The following C3orf70 variants were observed in gnomAD, a reference collection of about 807,000 sequenced individuals.
C3orf70 encodes chromosome 3 open reading frame 70, also known as UPF0524 protein C3orf70.
In C3orf70, 15 loss-of-function variants were observed where a neutral mutation model predicts 20.7. That is an observed-to-expected ratio of 0.72 (90% CI 0.48 to 1.11). The LOEUF (loss-of-function observed/expected upper bound fraction) is 1.11. Ranked by LOEUF, C3orf70 falls within the 50% of genes most tolerant of loss-of-function variation. The pLI is 0.00. For missense variants in C3orf70, 332 were observed against 317.6 expected, an observed-to-expected ratio of 1.05 and a Z score of -0.34; for synonymous variants, 161 against 125.7, an observed-to-expected ratio of 1.28 and a Z score of -1.88.
intron 1 of C3orf70, among the ~76,000 whole-genome samples, chr3:185,145,916 A>C (rs1359483541): frequency 6.6e-6 from 1 of 152,232 alleles, no homozygotes; most frequent in Non-Finnish European, 1.5e-5. Flanking sequence ...GCTACACAGA[A>C]AGACACCTAT....
intron 1 of C3orf70, among the ~76,000 whole-genome samples, chr3:185,104,861 T>G (rs1036187910): frequency 6.6e-6 from 1 of 152,118 alleles, no homozygotes; most frequent in Non-Finnish European, 1.5e-5. Flanking sequence ...AAATAACTAA[T>G]AGGTACTAGG....
chr3:185,118,977 G>C lies in C3orf70; in HGVS notation c.196+33651C>G, dbSNP rs954602447. On this transcript the variant is annotated intron_variant, in intron 1 of 1. Transcript: ENST00000335012. ...TAATGATGTCTGTAAATTTCTCCTG[G>C]ATTCCCATATTGAAAGAGAGGAGTT... Among the ~76,000 whole-genome samples the C allele has an allele frequency of 3.0e-4, 46 of 152,114 alleles. 2 individuals are homozygous for C.
rs1036330651 is a variant in C3orf70 at position 185,081,488 on chromosome 3, A to G, written c.*1519T>C. The G allele has an allele frequency of 6.6e-6, 1 of 152,274 alleles. No individual in the cohort carries two copies. Among genetic ancestry groups the G allele is most frequent in the African/African-American group, 2.4e-5 (1 of 41,554 alleles). 9.4% of individuals were successfully genotyped at this position (152,274 alleles called of 1,614,324 possible). Reference sequence around the variant, plus strand: ...GAGCACAAGGGAATCTCAGAGCACAATGGCCTGAGAGTGCGCTTCTGGATA... The same window carrying G: ...GAGCACAAGGGAATCTCAGAGCACAGTGGCCTGAGAGTGCGCTTCTGGATA... On this transcript the variant is annotated 3_prime_UTR_variant, in exon 2 of 2. Coordinates refer to ENST00000335012, the MANE Select transcript of C3orf70 (RefSeq NM_001025266.3).
intron 1 of C3orf70, among the ~76,000 whole-genome samples, chr3:185,139,188 G>A (rs539471331): frequency 1.3e-5 from 2 of 151,426 alleles, no homozygotes; most frequent in East Asian, 3.9e-4. Context: ...GAAGGGGAGA[G>A]GGGGGAGGAG....
intron 1 of C3orf70, among the ~76,000 whole-genome samples, chr3:185,112,413 T>C (rs1472136119): frequency 6.6e-6 from 1 of 152,234 alleles, no homozygotes; most frequent in Non-Finnish European, 1.5e-5. Flanking sequence ...CCAGCAAGCA[T>C]AATTTCACTA....
chr3:185,115,704 T>C (rs1288771711), intron 1 of C3orf70, among the ~76,000 whole-genome samples: 1 of 152,216 alleles, frequency 6.6e-6, no homozygotes, highest in Non-Finnish European at 1.5e-5. Flanking sequence ...CAAAGCCCCA[T>C]AGCCTGTATG....
chr3:185,095,012 T>C (rs896419839), intron 1 of C3orf70, among the ~76,000 whole-genome samples: 2 of 152,024 alleles, frequency 1.3e-5, no homozygotes, highest in Non-Finnish European at 2.9e-5. Flanking sequence ...GAGGCATAAA[T>C]AGGGGAGTGG....
At chr3:185,117,057 A>G (rs9848395) in intron 1 of C3orf70, among the ~76,000 whole-genome samples, 7,903 of 152,270 alleles carry the variant, frequency 0.052, 667 homozygotes, top group African/African-American at 0.18. Context: ...CTGGGATTAC[A>G]GGCGTGAGCC....
At chr3:185,134,125 A>ATATATATATATAGATATATATATATATT (rs71298570) in intron 1 of C3orf70, among the ~76,000 whole-genome samples, 1 of 145,826 alleles carries the variant, frequency 6.9e-6, no homozygotes, top group South Asian at 2.2e-4. Context: ...TCATATATAT[A>ATATATATATATAGATATATATATATATT]TAGAGGAGAT....
At chr3:185,137,660 G>C (rs774107962) in intron 1 of C3orf70, among the ~76,000 whole-genome samples, 1 of 152,086 alleles carries the variant, frequency 6.6e-6, no homozygotes, top group Admixed American at 6.5e-5. Flanking sequence ...TGGTCAGAAA[G>C]GAAGTTTCGA....
At chr3:185,098,845 C>T (rs1183502510) in intron 1 of C3orf70, among the ~76,000 whole-genome samples, 1 of 152,124 alleles carries the variant, frequency 6.6e-6, no homozygotes, top group African/African-American at 2.4e-5. Flanking sequence ...ACAGAAATAC[C>T]AGCTTCCCAA....
chr3:185,084,450 G>A (rs1715419664), intron 1 of C3orf70, among the ~76,000 whole-genome samples: 2 of 151,904 alleles, frequency 1.3e-5, no homozygotes, highest in Non-Finnish European at 2.9e-5. Context: ...GTTTAGGGTG[G>A]GAAATGGTTT....
intron 1 of C3orf70, among the ~76,000 whole-genome samples, chr3:185,140,786 TAAAA>T (rs34759953): frequency 1.1e-5 from 1 of 94,232 alleles, no homozygotes; most frequent in Non-Finnish European, 2.2e-5. Context: ...CCGTCTCTAC[TAAAA>T]AAAAAAAAAA....
chr3:185,141,091 C>T (rs115962856), intron 1 of C3orf70, among the ~76,000 whole-genome samples: 4 of 152,184 alleles, frequency 2.6e-5, no homozygotes, highest in Middle Eastern at 3.4e-3. Context: ...TTCCCAGAAC[C>T]CAAAGATGCT....
Position 185,079,948 on chromosome 3 carries a change from T to C in C3orf70, c.*3059A>G, listed in dbSNP as rs1272831079. 1 of 152,688 alleles carries C rather than the reference T, an allele frequency of 6.5e-6. No homozygotes were observed. Among genetic ancestry groups the C allele is most frequent in the Non-Finnish European group, 1.5e-5 (1 of 68,058 alleles). 9.5% of individuals were successfully genotyped at this position (152,688 alleles called of 1,614,324 possible). On this transcript the variant is annotated 3_prime_UTR_variant, in exon 2 of 2. Transcript: ENST00000335012. ...TCTGTAAGTACACAAATTAGCAACA[T>C]AGTATCAGCGTTACAGAGAATTCCT...
Position 185,081,605 on chromosome 3 carries a change from TAGA to T in C3orf70, c.*1399_*1401del, listed in dbSNP as rs951487383. 5 of 152,246 alleles carry T rather than the reference TAGA, an allele frequency of 3.3e-5. No individual in the cohort carries two copies. Among genetic ancestry groups the T allele is most frequent in the African/African-American group, 9.7e-5 (4 of 41,404 alleles). 9.4% of individuals were successfully genotyped at this position (152,246 alleles called of 1,614,324 possible). On this transcript the variant is annotated 3_prime_UTR_variant, in exon 2 of 2. Transcript: ENST00000335012. ...AGGATTTGAAACTATGCCTCATGGA[TAGA>T]AGGTTTGGAGAAATAGCAGTTAACT...
chr3:185,090,292 CAAAT>C (rs1196018102), intron 1 of C3orf70, among the ~76,000 whole-genome samples: 1 of 152,152 alleles, frequency 6.6e-6, no homozygotes. Flanking sequence ...TAAACCCAAA[CAAAT>C]ATAGAAAATA....
intron 1 of C3orf70, among the ~76,000 whole-genome samples, chr3:185,133,925 C>CA (rs1382200430): frequency 2.6e-5 from 4 of 151,994 alleles, no homozygotes; most frequent in Non-Finnish European, 5.9e-5. Flanking sequence ...CCCATCCATA[C>CA]AAAAAACAGA....
intron 1 of C3orf70, among the ~76,000 whole-genome samples, chr3:185,113,965 C>T (rs934214408): frequency 6.6e-6 from 1 of 152,086 alleles, no homozygotes; most frequent in Non-Finnish European, 1.5e-5. Flanking sequence ...TTTGGGAGGC[C>T]GAGGTGGGTG....
Sources: gnomAD v4.1 joint callset for allele counts (sites outside exome capture counted in the v4.1 genomes callset) on GRCh38, gnomAD v4.1.1 for gene constraint, MANE v1.5 for transcripts, NCBI Gene and HGNC (gene_info 2026-07-23, HGNC 2026-07-21) for gene names.